Variants in SLC16A12 observed in about 807,000 individuals in gnomAD.
SLC16A12 encodes the protein monocarboxylate transporter 12.
In SLC16A12, 17 loss-of-function variants were observed where a neutral mutation model predicts 42.4. That is an observed-to-expected ratio of 0.40 (90% CI 0.27 to 0.60). SLC16A12 has a LOEUF of 0.60. Among genes scored for constraint, SLC16A12 ranks in the 20% least tolerant of loss-of-function variants. The probability of loss-of-function intolerance (pLI) is 0.42; values close to 1 mark genes in which losing one functional copy is unlikely to be tolerated. For missense variants in SLC16A12, 544 were observed against 623.0 expected (o/e 0.87, Z 1.35); for synonymous variants, 224 against 229.4 (o/e 0.98, Z 0.21).
chr10:89,434,659 T>G (rs1841749840), intron 7 of SLC16A12, among the ~76,000 whole-genome samples: 1 of 152,252 alleles, frequency 6.6e-6, no homozygotes, highest in Non-Finnish European at 1.5e-5. Flanking sequence ...GCAGAAACTC[T>G]GCCTTCCTCA....
rs181284930 is a variant in SLC16A12, at chr10:89,447,490, C to T, written c.201-3631G>A. ...ACTCAACTACATGGAAACTGAACAA[C>T]CTGCTCCTGTATGACTACTGGGTAA... On this transcript the variant is annotated intron_variant, in intron 3 of 7. Transcript: ENST00000371790. 2.0e-5 allele frequency among the ~76,000 whole-genome samples: 3 copies of T among 152,224 alleles called. No individual in the cohort carries two copies. In the South Asian group the frequency reaches 6.2e-4, roughly 31 times the overall value.
intron 3 of SLC16A12, among the ~76,000 whole-genome samples, chr10:89,446,181 C>G (rs1841998603): frequency 6.6e-6 from 1 of 152,226 alleles, no homozygotes. Context: ...GGAAAACACT[C>G]TTCAGGATAT....
intron 2 of SLC16A12, among the ~76,000 whole-genome samples, chr10:89,475,529 T>C (rs930501756): frequency 3.9e-5 from 6 of 152,228 alleles, no homozygotes; most frequent in South Asian, 2.1e-4. Context: ...ACAATACATA[T>C]ATAATGTTCT....
At chr10:89,550,515 T>C (rs1049986492) in intron 2 of SLC16A12, among the ~76,000 whole-genome samples, 1 of 152,162 alleles carries the variant, frequency 6.6e-6, no homozygotes, top group African/African-American at 2.4e-5. Flanking sequence ...CAAGACTCCG[T>C]CTCAAAACAA....
Position 89,453,611 on chromosome 10 carries a change from G to A in SLC16A12, c.200+8768C>T, listed in dbSNP as rs367912639. Among the ~76,000 whole-genome samples the A allele has an allele frequency of 6.0e-4, 91 of 152,248 alleles. 1 individual carries two copies. In the South Asian group the frequency reaches 0.015, roughly 26 times the overall value. On this transcript the variant is annotated intron_variant, in intron 3 of 7. Coordinates refer to ENST00000371790, the MANE Select transcript of SLC16A12 (RefSeq NM_213606.4). ...GTAGCTTAGGAGCAATAGGTTATAC[G>A]ACATAGCCTAGGTGTGCAGTACGCG...
At chr10:89,477,672 CAAT>C (rs1289223743) in intron 2 of SLC16A12, among the ~76,000 whole-genome samples, 1 of 148,808 alleles carries the variant, frequency 6.7e-6, no homozygotes, top group African/African-American at 2.5e-5. Flanking sequence ...TGTATAAAGA[CAAT>C]AAGTAAAATA....
At chr10:89,532,943 G>A (rs1165589666) in intron 2 of SLC16A12, among the ~76,000 whole-genome samples, 3 of 152,106 alleles carry the variant, frequency 2.0e-5, no homozygotes, top group Non-Finnish European at 1.5e-5. Context: ...TACTAACATG[G>A]TACCACTAAC....
At chr10:89,539,889 C>CTTTCTTTCTTTCTTTCTTTA (rs1843702756), upstream of SLC16A12, among the ~76,000 whole-genome samples, 1 of 146,858 alleles carries the variant, frequency 6.8e-6, no homozygotes, top group Non-Finnish European at 1.5e-5. Flanking sequence ...TTCTTTCTTT[C>CTTTCTTTCTTTCTTTCTTTA]TTTCTTTCTT....
At chr10:89,553,189 T>A (rs1406329562) in intron 2 of SLC16A12, among the ~76,000 whole-genome samples, 1 of 152,276 alleles carries the variant, frequency 6.6e-6, no homozygotes, top group Admixed American at 6.5e-5. Flanking sequence ...ATTTGGGAAA[T>A]AACAGAATGT....
chr10:89,436,895 A>AGAAG (rs796548876), intron 6 of SLC16A12, among the ~76,000 whole-genome samples: 66 of 149,158 alleles, frequency 4.4e-4, no homozygotes, highest in African/African-American at 1.6e-3. Flanking sequence ...AAAGAAAGAA[A>AGAAG]GAAAGAAAGA....
chr10:89,477,505 G>A (rs553794729), intron 2 of SLC16A12, among the ~76,000 whole-genome samples: 21 of 143,074 alleles, frequency 1.5e-4, no homozygotes, highest in Admixed American at 2.9e-4. Flanking sequence ...AGGAGGTTGC[G>A]TTGAGCCGAG....
chr10:89,439,388 G>A (rs188934714), intron 5 of SLC16A12, among the ~76,000 whole-genome samples: 1 of 152,280 alleles, frequency 6.6e-6, no homozygotes, highest in East Asian at 1.9e-4. Context: ...TCTTTTTAGG[G>A]AGAACACCCT....
chr10:89,457,689 G>A (rs934675378), intron 3 of SLC16A12, among the ~76,000 whole-genome samples: 2 of 151,980 alleles, frequency 1.3e-5, no homozygotes, highest in Non-Finnish European at 2.9e-5. Context: ...GAGAACACAT[G>A]TACTTAATTT....
At chr10:89,486,401 G>A (rs1265822629) in intron 2 of SLC16A12, among the ~76,000 whole-genome samples, 1 of 151,936 alleles carries the variant, frequency 6.6e-6, no homozygotes, top group Non-Finnish European at 1.5e-5. Context: ...CTATGTGACT[G>A]TGACATGTTA....
chr10:89,474,978 C>T (rs764739003), intron 2 of SLC16A12, among the ~76,000 whole-genome samples: 1 of 152,218 alleles, frequency 6.6e-6, no homozygotes, highest in African/African-American at 2.4e-5. Flanking sequence ...GAAGCCATAA[C>T]TGTCATGTTG....
rs190616772 is a variant in SLC16A12, at chr10:89,433,425, T to C, written c.1289-99A>G. On this transcript the variant is annotated intron_variant, in intron 7 of 7. Transcript: ENST00000371790. ...ATTTGTAAGGATAATAATAGATCGA[T>C]AGCACCACCAATTGTAACTTTGAAA... is the stretch of plus-strand genomic sequence containing the variant. 9 of 1,225,964 alleles carry C rather than the reference T, an allele frequency of 7.3e-6. No homozygotes were observed. The African/African-American group carries it at 1.3e-4, about 18-fold the overall frequency. The allele number at this position is 1,225,964 out of a possible 1,614,324, so 75.9% of individuals were successfully genotyped here.
chr10:89,551,434 C>T (rs953878635), intron 2 of SLC16A12, among the ~76,000 whole-genome samples: 7 of 152,048 alleles, frequency 4.6e-5, no homozygotes, highest in African/African-American at 1.7e-4. Flanking sequence ...TAGAGTGAGA[C>T]CCTGTCTCTA....
intron 2 of SLC16A12, among the ~76,000 whole-genome samples, chr10:89,473,689 A>G (rs1462802994): frequency 2.6e-5 from 4 of 151,910 alleles, no homozygotes; most frequent in Non-Finnish European, 4.4e-5. Context: ...TTCTAAATGA[A>G]CTCTACTATT....
intron 2 of SLC16A12, among the ~76,000 whole-genome samples, chr10:89,543,453 T>C (rs1322380737): frequency 6.6e-6 from 1 of 152,146 alleles, no homozygotes; most frequent in East Asian, 1.9e-4. Flanking sequence ...AACTCAGAAC[T>C]TCATTTTCCT....
Sources: allele counts gnomAD v4.1 joint callset (sites outside exome capture counted in the v4.1 genomes callset), GRCh38; gene constraint gnomAD v4.1.1; transcripts MANE v1.5; gene names NCBI Gene and HGNC (gene_info 2026-07-23, HGNC 2026-07-21).